TNRC6B: variants seen among roughly 807,000 people sequenced by gnomAD.
TNRC6B encodes trinucleotide repeat containing adaptor 6B.
In TNRC6B, 52 loss-of-function variants were observed where a neutral mutation model predicts 203.6. The ratio of observed to expected loss-of-function variants is 0.26; its 90% CI spans 0.20 to 0.32. The LOEUF (loss-of-function observed/expected upper bound fraction) is 0.32, where lower values mean the gene tolerates loss of function less well. Among genes scored for constraint, TNRC6B ranks in the 10% least tolerant of loss-of-function variants. The pLI is 1.00. For missense variants in TNRC6B, 1,923 were observed against 2,286.2 expected, an observed-to-expected ratio of 0.84 and a Z score of 3.24; for synonymous variants, 838 against 845.7, an observed-to-expected ratio of 0.99 and a Z score of 0.16.
In TNRC6B at chr22:40,262,273, A is replaced by C. The variant is rs867505038; in HGVS notation, c.457+100A>C. 7.2e-6 allele frequency: 8 copies of C among 1,104,774 alleles called. No individual in the cohort carries two copies. The South Asian group carries it at 2.3e-4, about 31-fold the overall frequency. 68.4% of individuals were successfully genotyped at this position (1,104,774 alleles called of 1,614,324 possible). On this transcript the variant is annotated intron_variant, in intron 4 of 22. Coordinates refer to ENST00000454349, the MANE Select transcript of TNRC6B (RefSeq NM_001162501.2). The stretch of plus-strand genomic sequence containing the variant: ...AGTCCAGGAAAGCCATTCATTATAT[A>C]AACCACTGGGATTAGTCAAAAGATG...
intron 3 of TNRC6B, among the ~76,000 whole-genome samples, chr22:40,259,094 G>A (rs1261815778): frequency 1.3e-5 from 2 of 152,194 alleles, no homozygotes; most frequent in South Asian, 2.1e-4. Flanking sequence ...AAAGGGGATT[G>A]CGAATGCCCT....
chr22:40,160,162 T>C (rs1336308590), intron 4 of TNRC6B, among the ~76,000 whole-genome samples: 1 of 152,068 alleles, frequency 6.6e-6, no homozygotes, highest in African/African-American at 2.4e-5. Context: ...TGAATGGATA[T>C]ACTACAGTCA....
At chr22:40,083,248 C>T (rs578200111) in intron 1 of TNRC6B, among the ~76,000 whole-genome samples, 7 of 152,256 alleles carry the variant, frequency 4.6e-5, no homozygotes, top group African/African-American at 1.4e-4. Flanking sequence ...AATCCCAGGA[C>T]AGTGACTGGC....
chr22:40,120,197 T>C (rs942484941), intron 2 of TNRC6B, among the ~76,000 whole-genome samples: 1 of 151,792 alleles, frequency 6.6e-6, no homozygotes, highest in Non-Finnish European at 1.5e-5. Context: ...AACTCTACCA[T>C]AAATACAAAA....
chr22:40,319,449 A>G, intron 21 of TNRC6B, among the ~76,000 whole-genome samples: 1 of 139,424 alleles, frequency 7.2e-6, no homozygotes, highest in Non-Finnish European at 1.5e-5. Context: ...TTTGAGACAG[A>G]GTCTTGTTCT....
Position 40,266,599 on chromosome 22 carries a change from G to A in TNRC6B, c.2369G>A (p.Ser790Asn), listed in dbSNP as rs138707838. The A allele has an allele frequency of 4.3e-4, 698 of 1,612,416 alleles. 7 individuals carry two copies. In the East Asian group the frequency reaches 0.015, roughly 35 times the overall value. ...IGTWGNGGNA[S>N]LASKGGWEDC... is the part of the protein sequence containing the mutation. ...ACTTGGGGTAATGGTGGCAATGCAA[G>A]CCTAGCTTCAAAAGGTGGGTGGGAG... The change falls in exon 5 of 23, where the codon AGC (serine) becomes AAC (asparagine). Residue 790 changes from serine (S) to asparagine (N), a missense_variant. Physicochemically the swap from Ser to Asn is conservative, Grantham distance 46. Coordinates refer to ENST00000454349, the MANE Select transcript of TNRC6B (RefSeq NM_001162501.2).
intron 1 of TNRC6B, among the ~76,000 whole-genome samples, chr22:40,095,369 G>A (rs1003836925): frequency 2.0e-5 from 3 of 151,956 alleles, no homozygotes; most frequent in African/African-American, 7.3e-5. Context: ...CTCTGCTTCC[G>A]TTTCAGACCA....
intron 1 of TNRC6B, among the ~76,000 whole-genome samples, chr22:40,195,210 TA>T (rs764578486): frequency 6.6e-6 from 1 of 152,208 alleles, no homozygotes; most frequent in Admixed American, 6.5e-5. Context: ...GTAAACAAAT[TA>T]TAATGGTTTT....
intron 3 of TNRC6B, chr22:40,125,953 G>A (rs1314180921): frequency 3.9e-6 from 5 of 1,274,932 alleles, no homozygotes; most frequent in Non-Finnish European, 5.3e-6. Context: ...TTACATGACT[G>A]TAAAAATTCG....
rs535441808 is a variant in TNRC6B, at chr22:40,187,657, G to A, written c.5+9517G>A. ...GTCCCAGCGTCCCTGTGTGGTGGAG[G>A]TGTGAGGTGGGAGAGGGTGCCACCA... is the stretch of plus-strand genomic sequence containing the variant. On this transcript the variant is annotated intron_variant, in intron 1 of 22. Coordinates refer to ENST00000454349, the MANE Select transcript of TNRC6B (RefSeq NM_001162501.2). 1.4e-4 allele frequency among the ~76,000 whole-genome samples: 22 copies of A among 152,268 alleles called. No homozygotes were observed. The East Asian group carries it at 2.9e-3, about 20-fold the overall frequency.
rs1357673440 is a variant in TNRC6B at position 40,332,601 on chromosome 22, G to C, written c.*9360G>C. The stretch of plus-strand genomic sequence containing the variant: ...TAACAGACTTGATCACAGTCTCCTC[G>C]TGCCTGTGCAGGGCTGCACAGGCAT... On this transcript the variant is annotated 3_prime_UTR_variant, in exon 23 of 23. Transcript: ENST00000454349. The C allele has an allele frequency of 2.0e-5, 3 of 152,380 alleles. No individual in the cohort carries two copies. The highest frequency in any genetic ancestry group is 4.4e-5 in the Non-Finnish European group (3 of 67,992). 9.4% of individuals were successfully genotyped at this position (152,380 alleles called of 1,614,324 possible). A position where few individuals can be genotyped will look rare whatever the true frequency, so the allele number is the denominator to read the frequency against.
rs759043710 is a variant in TNRC6B, at chr22:40,300,580, T to G, written c.3834T>G (p.Phe1278Leu). ...MLSQLPQIPQFQLACQLLLQQ... is the reference protein window; with the variant it reads ...MLSQLPQIPQLQLACQLLLQQ... Reference sequence around the variant, plus strand: ...GCCAGCTTCCACAAATTCCCCAGTTTCAGTTGGTAAGTAGAAGATTTTCTT... The same window carrying G: ...GCCAGCTTCCACAAATTCCCCAGTTGCAGTTGGTAAGTAGAAGATTTTCTT... Residue 1278 changes from phenylalanine to leucine, a missense_variant, in exon 13 of 23, where the codon TTT becomes TTG. Coordinates refer to ENST00000454349, the MANE Select transcript of TNRC6B (RefSeq NM_001162501.2). The G allele has an allele frequency of 1.9e-6, 3 of 1,606,582 alleles. No individual in the cohort carries two copies. Among genetic ancestry groups the G allele is most frequent in the East Asian group, 2.2e-5 (1 of 44,854 alleles).
chr22:40,201,566 G>T (rs1237978378), intron 1 of TNRC6B, among the ~76,000 whole-genome samples: 1 of 151,656 alleles, frequency 6.6e-6, no homozygotes, highest in African/African-American at 2.4e-5. Flanking sequence ...CTCCTGAGTA[G>T]CTGGGACTAC....
chr22:40,107,008 T>G, intron 1 of TNRC6B: 1 of 1,150,658 alleles, frequency 8.7e-7, no homozygotes, highest in Non-Finnish European at 1.3e-6. Flanking sequence ...TTCACTTTTT[T>G]CTTAAGGATT....
At chr22:40,192,180 A>T (rs1423213351) in intron 1 of TNRC6B, among the ~76,000 whole-genome samples, 1 of 152,206 alleles carries the variant, frequency 6.6e-6, no homozygotes, top group Non-Finnish European at 1.5e-5. Context: ...CTGGCCCAGA[A>T]ATTTGGATTT....
At chr22:40,125,571 G>T (rs2068484105) in intron 2 of TNRC6B, among the ~76,000 whole-genome samples, 1 of 152,096 alleles carries the variant, frequency 6.6e-6, no homozygotes, top group Non-Finnish European at 1.5e-5. Context: ...CCCAAGATGG[G>T]AAACATTCCC....
intron 1 of TNRC6B, among the ~76,000 whole-genome samples, chr22:40,186,694 C>G (rs574734651): frequency 1.0e-3 from 149 of 149,530 alleles, no homozygotes; most frequent in African/African-American, 3.4e-3. Context: ...GCCGAGATCA[C>G]GCCACTGAAC....
intron 1 of TNRC6B, among the ~76,000 whole-genome samples, chr22:40,215,019 T>G (rs2069616872): frequency 6.6e-6 from 1 of 152,264 alleles, no homozygotes; most frequent in African/African-American, 2.4e-5. Flanking sequence ...CAATGATTTG[T>G]TTTGATCAAG....
intron 1 of TNRC6B, among the ~76,000 whole-genome samples, chr22:40,244,546 G>C (rs2070078132): frequency 6.6e-6 from 1 of 151,084 alleles, no homozygotes; most frequent in African/African-American, 2.4e-5. Context: ...CTTTTGTATA[G>C]TTTCAGTATG....
Sources: gnomAD v4.1 joint callset for allele counts (sites outside exome capture counted in the v4.1 genomes callset) on GRCh38, gnomAD v4.1.1 for gene constraint, MANE v1.5 for transcripts, NCBI Gene and HGNC (gene_info 2026-07-23, HGNC 2026-07-21) for gene names.